JAZF1: variants seen among roughly 807,000 people sequenced by gnomAD.
JAZF1 encodes juxtaposed with another zinc finger protein 1.
Under a neutral mutation model 26.4 loss-of-function variants are expected in JAZF1, and 8 were observed. The observed-to-expected ratio is 0.30, with a 90% CI of 0.18 to 0.55. The LOEUF is 0.55. Ranked by LOEUF, JAZF1 falls within the 20% of genes least tolerant of loss-of-function variation. The pLI is 0.94. For synonymous variants in JAZF1, 126 were observed against 122.3 expected, an observed-to-expected ratio of 1.03 and a Z score of -0.20; for missense variants, 199 against 322.0, an observed-to-expected ratio of 0.62 and a Z score of 2.92.
chr7:28,005,521 C>G (rs1782685759), intron 1 of JAZF1, among the ~76,000 whole-genome samples: 1 of 152,090 alleles, frequency 6.6e-6, no homozygotes, highest in Non-Finnish European at 1.5e-5. Context: ...TAGGTCACAG[C>G]TTACTCAGGT....
At chr7:28,130,473 A>C (rs746538594) in intron 1 of JAZF1, among the ~76,000 whole-genome samples, 1 of 152,194 alleles carries the variant, frequency 6.6e-6, no homozygotes, top group Non-Finnish European at 1.5e-5. Flanking sequence ...ATGAGACACA[A>C]AGAATGTGAG....
At chr7:28,109,927 TA>T (rs1784615333) in intron 1 of JAZF1, among the ~76,000 whole-genome samples, 2 of 152,142 alleles carry the variant, frequency 1.3e-5, no homozygotes, top group Non-Finnish European at 2.9e-5. Flanking sequence ...AAAAAAGTAG[TA>T]GTATCCAACG....
intron 2 of JAZF1, among the ~76,000 whole-genome samples, chr7:27,971,778 G>A (rs1785379109): frequency 6.6e-6 from 1 of 152,130 alleles, no homozygotes; most frequent in Admixed American, 6.5e-5. Context: ...GGGGGTGGAA[G>A]GGAAATCTCC....
chr7:28,037,831 G>A (rs538783893), intron 1 of JAZF1, among the ~76,000 whole-genome samples: 3 of 152,186 alleles, frequency 2.0e-5, no homozygotes, highest in Admixed American at 6.5e-5. Flanking sequence ...GGAATCTTTC[G>A]CTGAGTTGGT....
chr7:27,977,682 C>T (rs967765698), intron 2 of JAZF1, among the ~76,000 whole-genome samples: 5 of 152,188 alleles, frequency 3.3e-5, no homozygotes, highest in African/African-American at 1.2e-4. Context: ...GGAAAGTCTT[C>T]ACAGATCCCT....
chr7:28,133,420 T>A (rs1782831039), intron 1 of JAZF1, among the ~76,000 whole-genome samples: 1 of 152,052 alleles, frequency 6.6e-6, no homozygotes, highest in Non-Finnish European at 1.5e-5. Context: ...TAGATAAAGG[T>A]CTCTAGATGA....
intron 1 of JAZF1, among the ~76,000 whole-genome samples, chr7:28,025,816 T>C (rs1783084605): frequency 1.3e-5 from 2 of 152,206 alleles, no homozygotes; most frequent in Non-Finnish European, 2.9e-5. Context: ...CTAGACCAGC[T>C]TACAGGTTCA....
At chr7:27,951,766 G>A (rs760523536) in intron 2 of JAZF1, among the ~76,000 whole-genome samples, 1 of 152,192 alleles carries the variant, frequency 6.6e-6, no homozygotes, top group Admixed American at 6.6e-5. Context: ...CCATCTCCTA[G>A]TTTTAGAATC....
intron 2 of JAZF1, chr7:27,913,406 G>T: frequency 2.2e-6 from 1 of 460,274 alleles, no homozygotes. Flanking sequence ...TGGACAAGTA[G>T]GACAGCGAGA....
At chr7:27,882,932 G>A (rs992294702) in intron 3 of JAZF1, among the ~76,000 whole-genome samples, 3 of 152,176 alleles carry the variant, frequency 2.0e-5, no homozygotes, top group Non-Finnish European at 4.4e-5. Context: ...CACAAGGGAG[G>A]TGTATGGCAG....
rs187066772 is a variant in JAZF1 at position 27,902,261 on chromosome 7, T to A, written c.189-6845A>T. Among the ~76,000 whole-genome samples the A allele has an allele frequency of 1.1e-3, 167 of 152,358 alleles. 2 individuals are homozygous for A. The highest frequency in any genetic ancestry group is 3.2e-3 in the Admixed American group (49 of 15,306). The stretch of plus-strand genomic sequence containing the variant: ...ATGAAATCTAAAAAATTATGAATAA[T>A]GAAACATTTCTGGACTCAAGGACAA... On this transcript the variant is annotated intron_variant, in intron 2 of 4. Transcript: ENST00000283928.
At chr7:27,987,497 C>T (rs945347451) in intron 2 of JAZF1, among the ~76,000 whole-genome samples, 17 of 152,116 alleles carry the variant, frequency 1.1e-4, no homozygotes, top group Admixed American at 7.8e-4. Context: ...AGCCCCCACC[C>T]GGCCAGCCAC....
At chr7:28,051,847 A>C (rs1783623068) in intron 1 of JAZF1, among the ~76,000 whole-genome samples, 1 of 152,228 alleles carries the variant, frequency 6.6e-6, no homozygotes, top group Non-Finnish European at 1.5e-5. Context: ...GAAAGAAATC[A>C]CACCTAAAAT....
intron 2 of JAZF1, among the ~76,000 whole-genome samples, chr7:27,947,027 T>C (rs932003358): frequency 1.3e-5 from 2 of 152,378 alleles, no homozygotes; most frequent in Admixed American, 1.3e-4. Flanking sequence ...AAGTTTTTGT[T>C]TTCAAGCAAA....
chr7:28,040,209 T>TA lies in JAZF1; in HGVS notation c.116-48229dup, dbSNP rs141722821. Among the ~76,000 whole-genome samples, 793 of 152,210 alleles carry TA rather than the reference T, an allele frequency of 5.2e-3. 4 individuals are homozygous for TA. Among genetic ancestry groups the TA allele is most frequent in the Middle Eastern group, 0.014 (4 of 294 alleles). On this transcript the variant is annotated intron_variant, in intron 1 of 4. Coordinates refer to ENST00000283928, the MANE Select transcript of JAZF1 (RefSeq NM_175061.4). ...ATAATGTTTGAGCCCTTTAAACACA[T>TA]AAAAAAAATCTAAAGCCAGTTTCAT...
At chr7:27,916,546 C>T (rs1784445304) in intron 2 of JAZF1, among the ~76,000 whole-genome samples, 3 of 152,180 alleles carry the variant, frequency 2.0e-5, no homozygotes, top group Admixed American at 2.0e-4. Flanking sequence ...TCAGGGCCAA[C>T]AGTACTATGA....
intron 1 of JAZF1, among the ~76,000 whole-genome samples, chr7:28,031,541 T>C (rs1783193224): frequency 6.6e-6 from 1 of 152,216 alleles, no homozygotes; most frequent in Non-Finnish European, 1.5e-5. Context: ...AGCACCGTCC[T>C]GCAGAGCGTA....
chr7:28,136,289 T>C (rs1251717174), intron 1 of JAZF1, among the ~76,000 whole-genome samples: 1 of 152,234 alleles, frequency 6.6e-6, no homozygotes, highest in Non-Finnish European at 1.5e-5. Context: ...CAGCTAAGAA[T>C]GAGTGGTAGG....
intron 1 of JAZF1, among the ~76,000 whole-genome samples, chr7:28,002,086 C>T (rs1442150400): frequency 6.6e-6 from 1 of 152,182 alleles, no homozygotes; most frequent in Non-Finnish European, 1.5e-5. Flanking sequence ...CCCATCATAA[C>T]ACCACACATT....
Sources: gnomAD v4.1 joint callset for allele counts (sites outside exome capture counted in the v4.1 genomes callset) on GRCh38, gnomAD v4.1.1 for gene constraint, MANE v1.5 for transcripts, NCBI Gene and HGNC (gene_info 2026-07-23, HGNC 2026-07-21) for gene names.